The following PDE4D variants were observed in gnomAD, a reference collection of about 807,000 sequenced individuals.
PDE4D encodes the protein phosphodiesterase 4D.
A neutral mutation model predicts 87.4 loss-of-function variants in PDE4D; 24 were observed. That is an observed-to-expected ratio of 0.27 (90% CI 0.20 to 0.39). PDE4D has a LOEUF of 0.39. Ranked by LOEUF, PDE4D falls within the 10% of genes least tolerant of loss-of-function variation. The pLI is 1.00. For missense variants in PDE4D, 714 were observed against 1,041.0 expected (o/e 0.69, Z 4.32); for synonymous variants, 384 against 383.2 (o/e 1.00, Z -0.02).
At chr5:59,673,556 A>G (rs768524218) in intron 1 of PDE4D, among the ~76,000 whole-genome samples, 4 of 152,322 alleles carry the variant, frequency 2.6e-5, no homozygotes, top group East Asian at 1.9e-4. Flanking sequence ...CAATTGTCTC[A>G]TCTTCCAGGT....
chr5:60,395,763 A>T (rs989754670), intron 1 of PDE4D, among the ~76,000 whole-genome samples: 15 of 151,464 alleles, frequency 9.9e-5, no homozygotes, highest in African/African-American at 3.6e-4. Context: ...AGAAGAAAAA[A>T]AAAAAAAGCA....
intron 1 of PDE4D, among the ~76,000 whole-genome samples, chr5:59,554,263 A>G (rs567085775): frequency 2.0e-5 from 3 of 152,296 alleles, no homozygotes; most frequent in Non-Finnish European, 4.4e-5. Flanking sequence ...ACAGCCTGCC[A>G]GGCACTGTTC....
At chr5:60,517,191 G>C (rs763650302) in intron 1 of PDE4D, among the ~76,000 whole-genome samples, 1 of 152,202 alleles carries the variant, frequency 6.6e-6, no homozygotes, top group Non-Finnish European at 1.5e-5. Flanking sequence ...CTGTTGCCTC[G>C]GCCCCCTCCA....
chr5:60,370,195 T>C (rs563343648), intron 1 of PDE4D, among the ~76,000 whole-genome samples: 16 of 152,268 alleles, frequency 1.1e-4, no homozygotes, highest in Admixed American at 2.0e-4. Context: ...CAGAGGCCTC[T>C]GGGTAGAGTA....
chr5:59,422,129 G>C lies in PDE4D; in HGVS notation c.456-206161C>G, dbSNP rs577022097. Among the ~76,000 whole-genome samples the C allele has an allele frequency of 1.4e-3, 220 of 152,226 alleles. 1 individual carries two copies. Among genetic ancestry groups the C allele is most frequent in the African/African-American group, 5.1e-3 (211 of 41,524 alleles). Reference sequence around the variant, plus strand: ...TGAGCGTTTGGAGAATATTTCCCTGGGGATGATGAGGCCTGAGGATGAGTA... The same window carrying C: ...TGAGCGTTTGGAGAATATTTCCCTGCGGATGATGAGGCCTGAGGATGAGTA... On this transcript the variant is annotated intron_variant, in intron 1 of 14. Transcript: ENST00000340635.
chr5:59,503,853 G>A (rs1486005887), intron 1 of PDE4D, among the ~76,000 whole-genome samples: 7 of 152,264 alleles, frequency 4.6e-5, no homozygotes, highest in African/African-American at 1.7e-4. Flanking sequence ...GTTCTTAGGT[G>A]TAAAGGAACA....
chr5:59,807,503 C>T (rs1767871646), intron 1 of PDE4D, among the ~76,000 whole-genome samples: 2 of 151,984 alleles, frequency 1.3e-5, no homozygotes, highest in African/African-American at 2.4e-5. Context: ...GGCTTGTCCC[C>T]ACACACACAC....
At chr5:59,260,132 T>A (rs937626722) in intron 1 of PDE4D, among the ~76,000 whole-genome samples, 4 of 151,838 alleles carry the variant, frequency 2.6e-5, no homozygotes, top group African/African-American at 9.7e-5. Context: ...AGAGTCTTTT[T>A]TTCTTTTTCT....
chr5:60,471,680 C>T (rs965484297), intron 1 of PDE4D, among the ~76,000 whole-genome samples: 1 of 152,156 alleles, frequency 6.6e-6, no homozygotes, highest in Non-Finnish European at 1.5e-5. Flanking sequence ...TTGCTGCAGG[C>T]TCAGTGATCA....
chr5:59,661,074 T>TTTTATATATATATATATATA (rs1554054981), intron 1 of PDE4D, among the ~76,000 whole-genome samples: 3 of 140,082 alleles, frequency 2.1e-5, no homozygotes, highest in African/African-American at 8.1e-5. Context: ...CATGATAATA[T>TTTTATATATATATATATATA]TATATATATA....
At chr5:59,966,448 T>A (rs751942561) in intron 3 of PDE4D, among the ~76,000 whole-genome samples, 1 of 152,222 alleles carries the variant, frequency 6.6e-6, no homozygotes, top group Non-Finnish European at 1.5e-5. Flanking sequence ...TAGGCCTATG[T>A]CATTCAAAAC....
At chr5:59,449,114 C>T (rs1278932410) in intron 1 of PDE4D, among the ~76,000 whole-genome samples, 1 of 152,110 alleles carries the variant, frequency 6.6e-6, no homozygotes. Context: ...ATAAAAATAC[C>T]ATTAGCAGTC....
intron 1 of PDE4D, among the ~76,000 whole-genome samples, chr5:59,394,845 A>C: frequency 6.6e-6 from 1 of 152,090 alleles, no homozygotes; most frequent in Admixed American, 6.6e-5. Flanking sequence ...AGGGAGTGCC[A>C]GACAGTAGGC....
intron 1 of PDE4D, among the ~76,000 whole-genome samples, chr5:59,603,868 T>C (rs947560936): frequency 6.6e-6 from 1 of 152,030 alleles, no homozygotes; most frequent in Non-Finnish European, 1.5e-5. Context: ...AATAACAATA[T>C]GTTGTATTCT....
At chr5:60,006,607 C>T (rs1037569685) in intron 2 of PDE4D, among the ~76,000 whole-genome samples, 34 of 151,842 alleles carry the variant, frequency 2.2e-4, no homozygotes, top group Non-Finnish European at 3.8e-4. Flanking sequence ...CAGAGATAGA[C>T]GCTTGTATAC....
intron 2 of PDE4D, among the ~76,000 whole-genome samples, chr5:59,995,962 T>C (rs1763489891): frequency 6.6e-6 from 1 of 152,236 alleles, no homozygotes; most frequent in African/African-American, 2.4e-5. Flanking sequence ...GTATTAGATA[T>C]TGGTGTTACT....
intron 1 of PDE4D, among the ~76,000 whole-genome samples, chr5:59,508,232 CAA>C (rs1809630510): frequency 6.6e-6 from 1 of 152,034 alleles, no homozygotes; most frequent in Non-Finnish European, 1.5e-5. Flanking sequence ...GTCTTATACC[CAA>C]AAGTCAATAC....
intron 2 of PDE4D, among the ~76,000 whole-genome samples, chr5:60,132,572 A>T (rs1331044383): frequency 1.3e-5 from 2 of 152,306 alleles, no homozygotes; most frequent in African/African-American, 4.8e-5. Context: ...AGACAATCAT[A>T]CTCAGTCATT....
At chr5:59,825,488 A>G (rs1305953710) in intron 1 of PDE4D, among the ~76,000 whole-genome samples, 1 of 152,148 alleles carries the variant, frequency 6.6e-6, no homozygotes, top group Non-Finnish European at 1.5e-5. Flanking sequence ...TTGAAAGACT[A>G]GTTGGAAACT....
Sources: gnomAD v4.1 joint callset for allele counts (sites outside exome capture counted in the v4.1 genomes callset) on GRCh38, gnomAD v4.1.1 for gene constraint, MANE v1.5 for transcripts, NCBI Gene and HGNC (gene_info 2026-07-23, HGNC 2026-07-21) for gene names.